Variants in HDAC9 observed in about 807,000 individuals in gnomAD.
HDAC9 encodes the protein histone deacetylase 9, also known as MEF-2 interacting transcription repressor (MITR) protein.
In HDAC9, 41 loss-of-function variants were observed where a neutral mutation model predicts 139.4. The ratio of observed to expected loss-of-function variants is 0.29; its 90% CI spans 0.23 to 0.38. The LOEUF (loss-of-function observed/expected upper bound fraction) is 0.38. Ranked by LOEUF, HDAC9 falls within the 10% of genes least tolerant of loss-of-function variation. The pLI is 1.00. For synonymous variants in HDAC9, 517 were observed against 476.2 expected, an observed-to-expected ratio of 1.09 and a Z score of -1.12; for missense variants, 1,147 against 1,297.0, an observed-to-expected ratio of 0.88 and a Z score of 1.78.
intron 2 of HDAC9, among the ~76,000 whole-genome samples, chr7:18,531,371 A>G (rs1172189952): frequency 6.6e-6 from 1 of 152,168 alleles, no homozygotes; most frequent in Admixed American, 6.5e-5. Flanking sequence ...ACTTAAGAAA[A>G]TAAGAATTTA....
chr7:18,156,734 G>GT (rs1787234026), intron 1 of HDAC9, among the ~76,000 whole-genome samples: 1 of 152,148 alleles, frequency 6.6e-6, no homozygotes, highest in Non-Finnish European at 1.5e-5. Flanking sequence ...ATGTTATTAT[G>GT]GGTATGGTAC....
intron 21 of HDAC9, among the ~76,000 whole-genome samples, chr7:18,870,439 G>T (rs1563007214): frequency 6.6e-6 from 1 of 152,074 alleles, no homozygotes; most frequent in Non-Finnish European, 1.5e-5. Flanking sequence ...TATGTTTTTA[G>T]TAAAAACGCC....
intron 1 of HDAC9, among the ~76,000 whole-genome samples, chr7:18,090,382 G>A (rs1282312756): frequency 6.6e-6 from 1 of 152,094 alleles, no homozygotes; most frequent in Non-Finnish European, 1.5e-5. Context: ...TCATACTGTT[G>A]GCCTGTTGAT....
At chr7:18,176,902 A>T (rs1202716862) in intron 2 of HDAC9, among the ~76,000 whole-genome samples, 1 of 152,240 alleles carries the variant, frequency 6.6e-6, no homozygotes, top group African/African-American at 2.4e-5. Context: ...AGGTCGTGGT[A>T]TGTCAATGAA....
At chr7:18,394,662 G>A (rs1393978714) in intron 1 of HDAC9, among the ~76,000 whole-genome samples, 4 of 152,070 alleles carry the variant, frequency 2.6e-5, no homozygotes, top group Admixed American at 2.6e-4. Flanking sequence ...AGTATATCTT[G>A]AGGATCAAGG....
chr7:18,403,497 C>T (rs1378520822), intron 1 of HDAC9, among the ~76,000 whole-genome samples: 8 of 152,042 alleles, frequency 5.3e-5, no homozygotes, highest in Non-Finnish European at 8.8e-5. Context: ...AAAAATACAC[C>T]TGCTGTGTAT....
chr7:18,809,102 C>T (rs1033079588), intron 17 of HDAC9, among the ~76,000 whole-genome samples: 2 of 152,176 alleles, frequency 1.3e-5, no homozygotes, highest in Admixed American at 1.3e-4. Flanking sequence ...AGGATAATCT[C>T]TTCAACAAAT....
intron 21 of HDAC9, among the ~76,000 whole-genome samples, chr7:18,857,851 A>G (rs112877150): frequency 0.011 from 1,617 of 152,234 alleles, 19 homozygotes; most frequent in Non-Finnish European, 0.014. Flanking sequence ...TGGGAATGTG[A>G]CATTCCCATT....
intron 6 of HDAC9, among the ~76,000 whole-genome samples, chr7:18,613,727 G>C (rs1460861733): frequency 6.6e-6 from 1 of 152,050 alleles, no homozygotes; most frequent in Non-Finnish European, 1.5e-5. Context: ...TTATAAAAAT[G>C]TGTATCATCT....
intron 1 of HDAC9, among the ~76,000 whole-genome samples, chr7:18,345,963 C>T (rs754141810): frequency 2.6e-5 from 4 of 152,026 alleles, no homozygotes; most frequent in Non-Finnish European, 5.9e-5. Context: ...ACAGCAGAAA[C>T]GACATGAGTT....
At chr7:18,564,550 A>T (rs958312391) in intron 2 of HDAC9, among the ~76,000 whole-genome samples, 4 of 152,198 alleles carry the variant, frequency 2.6e-5, no homozygotes, top group Non-Finnish European at 5.9e-5. Context: ...GCGCAATTCT[A>T]ATATTCAAAA....
intron 2 of HDAC9, among the ~76,000 whole-genome samples, chr7:18,175,038 G>C (rs1238579522): frequency 6.6e-6 from 1 of 152,160 alleles, no homozygotes; most frequent in African/African-American, 2.4e-5. Context: ...ATTGCTTTTT[G>C]TTCAGCTATA....
chr7:18,870,824 C>T (rs1015211750), intron 21 of HDAC9, among the ~76,000 whole-genome samples: 3 of 152,148 alleles, frequency 2.0e-5, no homozygotes, highest in Non-Finnish European at 2.9e-5. Flanking sequence ...CAGGCACACA[C>T]CACCATGTGT....
chr7:18,596,772 A>G (rs1397145020), intron 6 of HDAC9, among the ~76,000 whole-genome samples: 3 of 152,258 alleles, frequency 2.0e-5, no homozygotes, highest in African/African-American at 2.4e-5. Flanking sequence ...TCTTAGAGTT[A>G]AAAGAAGTTG....
chr7:18,136,055 G>A (rs1407750724), intron 1 of HDAC9, among the ~76,000 whole-genome samples: 5 of 148,274 alleles, frequency 3.4e-5, no homozygotes, highest in Non-Finnish European at 5.9e-5. Context: ...GATGGCCAGT[G>A]ATGATGAGCA....
At chr7:18,465,732 C>T (rs1327536848) in intron 1 of HDAC9, among the ~76,000 whole-genome samples, 2 of 152,086 alleles carry the variant, frequency 1.3e-5, no homozygotes, top group Non-Finnish European at 2.9e-5. Context: ...TCCCAAAGTA[C>T]AATAATTTAT....
At chr7:18,219,983 A>G (rs903220149) in intron 2 of HDAC9, among the ~76,000 whole-genome samples, 1 of 152,150 alleles carries the variant, frequency 6.6e-6, no homozygotes, top group African/African-American at 2.4e-5. Flanking sequence ...AAAGGAATAC[A>G]TTTTGCCAGA....
intron 17 of HDAC9, among the ~76,000 whole-genome samples, chr7:18,825,250 G>A (rs1795331722): frequency 6.6e-6 from 1 of 152,204 alleles, no homozygotes; most frequent in African/African-American, 2.4e-5. Flanking sequence ...TGCCTAGGAG[G>A]TATGGAAAGA....
At chr7:18,967,513 A>C (rs1446225807) in intron 24 of HDAC9, among the ~76,000 whole-genome samples, 1 of 141,342 alleles carries the variant, frequency 7.1e-6, no homozygotes, top group Non-Finnish European at 1.6e-5. Context: ...CCCCAAAAAA[A>C]AAAAAGCAGG....
Sources: allele counts gnomAD v4.1 joint callset (sites outside exome capture counted in the v4.1 genomes callset), GRCh38; gene constraint gnomAD v4.1.1; transcripts MANE v1.5; gene names NCBI Gene and HGNC (gene_info 2026-07-23, HGNC 2026-07-21).